STK32B: variants seen among roughly 807,000 people sequenced by gnomAD.
The protein encoded by STK32B is serine/threonine kinase 32B.
Under a neutral mutation model 52.6 loss-of-function variants are expected in STK32B, and 43 were observed. That is an observed-to-expected ratio of 0.82 (90% confidence interval 0.64 to 1.05). The LOEUF (loss-of-function observed/expected upper bound fraction) is 1.05. Among genes scored for constraint, STK32B ranks in the 50% least tolerant of loss-of-function variants. The pLI is 0.00. For missense variants in STK32B, 621 were observed against 534.6 expected, an observed-to-expected ratio of 1.16 and a Z score of -1.59; for synonymous variants, 238 against 204.3, an observed-to-expected ratio of 1.17 and a Z score of -1.41.
chr4:5,353,995 G>A (rs1442022308), intron 4 of STK32B, among the ~76,000 whole-genome samples: 1 of 152,174 alleles, frequency 6.6e-6, no homozygotes, highest in African/African-American at 2.4e-5. Flanking sequence ...GTGTCCATTG[G>A]CAGACAAATG....
At chr4:5,093,576 G>A (rs185943072) in intron 1 of STK32B, among the ~76,000 whole-genome samples, 7 of 152,136 alleles carry the variant, frequency 4.6e-5, no homozygotes, top group African/African-American at 1.4e-4. Flanking sequence ...GTGGGGGAAG[G>A]GGGGAGGGAT....
At chr4:5,490,343 G>T (rs538154288) in intron 11 of STK32B, among the ~76,000 whole-genome samples, 8 of 152,028 alleles carry the variant, frequency 5.3e-5, no homozygotes, top group African/African-American at 1.9e-4. Flanking sequence ...CTGACCTCAG[G>T]TGATCCACCC....
chr4:5,318,483 TAGG>T (rs1560315327), intron 3 of STK32B, among the ~76,000 whole-genome samples: 1 of 151,906 alleles, frequency 6.6e-6, no homozygotes, highest in Non-Finnish European at 1.5e-5. Flanking sequence ...AAAAAAAAGT[TAGG>T]AGCAAGATAA....
chr4:5,360,445 C>T (rs111653436), intron 4 of STK32B, among the ~76,000 whole-genome samples: 47 of 152,174 alleles, frequency 3.1e-4, no homozygotes, highest in African/African-American at 1.1e-3. Context: ...ACTGGACCAG[C>T]CAGAGGAGGG....
chr4:5,435,205 AGTT>A (rs1233569090), intron 6 of STK32B, among the ~76,000 whole-genome samples: 3 of 152,146 alleles, frequency 2.0e-5, no homozygotes, highest in Admixed American at 6.5e-5. Context: ...AAGAAGCTTT[AGTT>A]GTTGTTGTTG....
At chr4:5,472,812 G>A (rs981483761) in intron 11 of STK32B, among the ~76,000 whole-genome samples, 8 of 152,158 alleles carry the variant, frequency 5.3e-5, no homozygotes, top group African/African-American at 1.9e-4. Context: ...TCATTTGTAT[G>A]TGACTTTATG....
At chr4:5,459,711 A>T (rs189157622) in intron 8 of STK32B, among the ~76,000 whole-genome samples, 140 of 152,334 alleles carry the variant, frequency 9.2e-4, no homozygotes, top group Non-Finnish European at 1.4e-3. Flanking sequence ...TTTTATTACA[A>T]TTTGGTGCCT....
chr4:5,074,842 AG>A (rs531825917), intron 1 of STK32B, among the ~76,000 whole-genome samples: 58 of 152,270 alleles, frequency 3.8e-4, no homozygotes, highest in Non-Finnish European at 7.2e-4. Flanking sequence ...ATGTGGTTTC[AG>A]ACTTTGTTAG....
chr4:5,468,150 GCCC>G, intron 11 of STK32B, 80 bp downstream of exon 11: 1 of 1,477,946 alleles, frequency 6.8e-7, no homozygotes, highest in Non-Finnish European at 9.5e-7. Flanking sequence ...CACAGTCCCT[GCCC>G]CCCAAACCGG....
At chr4:5,345,493 A>C (rs767071910) in intron 4 of STK32B, 5 of 152,232 alleles carry the variant, frequency 3.3e-5, no homozygotes, top group Non-Finnish European at 5.9e-5. Flanking sequence ...TTAGAAAACA[A>C]AATTGTTTAT....
Position 5,396,742 on chromosome 4 carries a change from G to C in STK32B, c.435-1465G>C, listed in dbSNP as rs187933338. ...CATTTGCTGCTGTGTTTTCATTCTT[G>C]ACATGTATTTTATTATCTCTTTTCT... On this transcript the variant is annotated intron_variant, in intron 4 of 11. Coordinates refer to ENST00000282908, the MANE Select transcript of STK32B (RefSeq NM_018401.3). The surrounding 1 kb of genome is among the most constrained non-coding windows in gnomAD (Gnocchi z 4.7). 6.6e-6 allele frequency among the ~76,000 whole-genome samples: 1 copy of C among 152,296 alleles called. No individual in the cohort carries two copies. Among genetic ancestry groups the C allele is most frequent in the East Asian group, 1.9e-4 (1 of 5,188 alleles).
intron 3 of STK32B, among the ~76,000 whole-genome samples, chr4:5,312,270 T>G (rs541978404): frequency 1.1e-3 from 165 of 149,422 alleles, no homozygotes; most frequent in Non-Finnish European, 2.0e-3. Flanking sequence ...TTTTTTTTAT[T>G]TTATTATTAG....
intron 3 of STK32B, among the ~76,000 whole-genome samples, chr4:5,224,477 A>G (rs1267845773): frequency 5.3e-5 from 8 of 152,204 alleles, no homozygotes; most frequent in Non-Finnish European, 1.2e-4. Flanking sequence ...TAGCCCAATC[A>G]AGGATCCTCT....
chr4:5,442,766 T>C (rs1303731353), intron 6 of STK32B, among the ~76,000 whole-genome samples: 3 of 152,240 alleles, frequency 2.0e-5, no homozygotes, highest in Admixed American at 2.0e-4. Context: ...CCATGTTTAG[T>C]TCTTCCTTCA....
intron 4 of STK32B, among the ~76,000 whole-genome samples, chr4:5,359,101 G>A (rs936104217): frequency 2.4e-4 from 37 of 152,180 alleles, no homozygotes; most frequent in Non-Finnish European, 3.4e-4. Context: ...GTTATTAAAT[G>A]TGTGCTTTAT....
chr4:5,350,131 A>G (rs1733731893), intron 4 of STK32B, among the ~76,000 whole-genome samples: 1 of 152,196 alleles, frequency 6.6e-6, no homozygotes, highest in South Asian at 2.1e-4. Context: ...AGGTCCTGGC[A>G]TAGATACAAT....
intron 2 of STK32B, among the ~76,000 whole-genome samples, chr4:5,167,068 C>T (rs956337662): frequency 7.2e-5 from 11 of 152,286 alleles, no homozygotes; most frequent in Middle Eastern, 6.8e-3. Context: ...CCACGCCCTC[C>T]GTTACAGGAT....
intron 3 of STK32B, among the ~76,000 whole-genome samples, chr4:5,182,830 A>G (rs987010788): frequency 1.4e-5 from 2 of 144,452 alleles, no homozygotes; most frequent in African/African-American, 4.9e-5. Flanking sequence ...TGCAGGATAG[A>G]TGTTATGTTA....
chr4:5,481,035 A>G (rs150909712), intron 11 of STK32B, among the ~76,000 whole-genome samples: 193 of 152,300 alleles, frequency 1.3e-3, no homozygotes, highest in African/African-American at 3.6e-3. Context: ...CAGTGCCACA[A>G]TAAACATACG....
Sources: allele counts gnomAD v4.1 joint callset (sites outside exome capture counted in the v4.1 genomes callset), GRCh38; gene constraint gnomAD v4.1.1; non-coding constraint Gnocchi (gnomAD v3.1); transcripts MANE v1.5; gene names NCBI Gene and HGNC (gene_info 2026-07-23, HGNC 2026-07-21).